The following ANK2 variants were observed in gnomAD, a reference collection of about 807,000 sequenced individuals.
ANK2 encodes the protein ankyrin-2.
In ANK2, 83 loss-of-function variants were observed where a neutral mutation model predicts 360.5. That is an observed-to-expected ratio of 0.23 (90% CI 0.19 to 0.28). The LOEUF is 0.28. ANK2 is among the 10% of genes least tolerant of loss of function. ANK2 has a pLI of 1.00. For synonymous variants in ANK2, 1,740 were observed against 1,759.5 expected (o/e 0.99, Z 0.28); for missense variants, 4,201 against 4,795.7 (o/e 0.88, Z 3.66).
chr4:113,093,186 G>A lies in ANK2; in HGVS notation c.84+43374G>A, dbSNP rs556916406. Among the ~76,000 whole-genome samples the A allele has an allele frequency of 3.9e-5, 6 of 152,268 alleles. No homozygotes were observed. In the East Asian group the frequency reaches 1.2e-3, roughly 29 times the overall value. On this transcript the variant is annotated intron_variant, in intron 1 of 45. Transcript: ENST00000357077. ...AATCTATGAGAATTTGTGATAGGGT[G>A]TTCAGGTGACTGCTGTTCTGTGACA...
At chr4:112,775,382 G>A in the ANK2 span, among the ~76,000 whole-genome samples, 1 of 152,008 alleles carries the variant, frequency 6.6e-6, no homozygotes, top group Admixed American at 6.6e-5. Context: ...AGCTGGGTGT[G>A]GTGGCACGTG....
chr4:113,044,261 C>T (rs1387395511), intron 2 of ANK2, among the ~76,000 whole-genome samples: 1 of 152,148 alleles, frequency 6.6e-6, no homozygotes, highest in Admixed American at 6.6e-5. Flanking sequence ...GGACTCTGCT[C>T]CACACAGTAA....
At position 113,359,015 on chromosome 4, in the gene ANK2, A is replaced by G; in HGVS notation, c.10397A>G (p.His3466Arg). The change falls in exon 38 of 46, where the codon CAT (histidine) becomes CGT (arginine). Residue 3466 changes from histidine to arginine, a missense_variant. By Grantham distance (29) the His-to-Arg change is conservative. Transcript: ENST00000357077. ...AGCCCCACAAAAGAAAGTAAGGAGC[A>G]TTTCTTTGACCTTTACAGAAATTCC... ...GTSPTKESKE[H>R]FFDLYRNSIE... 1.2e-6 allele frequency: 2 copies of G among 1,614,122 alleles called. No homozygotes were observed. The highest frequency in any genetic ancestry group is 1.7e-6 in the Non-Finnish European group (2 of 1,179,968).
chr4:112,748,759 A>G, the ANK2 span, among the ~76,000 whole-genome samples: 3 of 152,222 alleles, frequency 2.0e-5, no homozygotes, highest in Non-Finnish European at 2.9e-5. Context: ...ATTGGAGGAC[A>G]TTTTGAAACA....
intron 1 of ANK2, among the ~76,000 whole-genome samples, chr4:113,068,876 C>T (rs865886335): frequency 3.3e-5 from 5 of 151,998 alleles, no homozygotes; most frequent in Non-Finnish European, 2.9e-5. Flanking sequence ...GCCTGGGCAA[C>T]ATAGTGAGAC....
At chr4:113,302,978 A>G (rs964301320) in intron 23 of ANK2, 139 bp downstream of exon 23, 1 of 799,164 alleles carries the variant, frequency 1.3e-6, no homozygotes, top group Non-Finnish European at 2.1e-6. Context: ...CTTTGTTTCA[A>G]TACATTTACT....
At chr4:113,002,381 C>T (rs2051073959) in intron 2 of ANK2, among the ~76,000 whole-genome samples, 1 of 152,160 alleles carries the variant, frequency 6.6e-6, no homozygotes, top group South Asian at 2.1e-4. Context: ...ACTATGCAGC[C>T]ATAAAAAATG....
chr4:113,352,043 G>T (rs531776920), intron 37 of ANK2, among the ~76,000 whole-genome samples: 1 of 152,244 alleles, frequency 6.6e-6, no homozygotes, highest in East Asian at 1.9e-4. Flanking sequence ...TGGACTCATA[G>T]GGAAATAAGT....
At chr4:113,272,949 A>G (rs777771092) in intron 14 of ANK2, among the ~76,000 whole-genome samples, 2 of 152,120 alleles carry the variant, frequency 1.3e-5, no homozygotes, top group Non-Finnish European at 2.9e-5. Context: ...ATTTATTTTT[A>G]TAAATAAAAA....
chr4:112,998,912 G>T (rs1172618131), intron 2 of ANK2, among the ~76,000 whole-genome samples: 1 of 152,016 alleles, frequency 6.6e-6, no homozygotes, highest in Non-Finnish European at 1.5e-5. Flanking sequence ...ACTTCCTTTT[G>T]TATATGTTTT....
intron 1 of ANK2, among the ~76,000 whole-genome samples, chr4:112,856,516 T>C (rs943703585): frequency 2.0e-5 from 3 of 152,124 alleles, no homozygotes; most frequent in Admixed American, 6.5e-5. Context: ...ACACTTGAGG[T>C]CAGGGGTTCG....
intron 4 of ANK2, among the ~76,000 whole-genome samples, chr4:113,220,652 G>A (rs989463679): frequency 2.0e-5 from 3 of 151,996 alleles, no homozygotes; most frequent in African/African-American, 7.3e-5. Flanking sequence ...GTTCATTTTT[G>A]CAAAGTGAAA....
At chr4:112,784,007 A>G in the ANK2 span, among the ~76,000 whole-genome samples, 20 of 152,260 alleles carry the variant, frequency 1.3e-4, no homozygotes, top group South Asian at 2.7e-3. Flanking sequence ...ATACTATACA[A>G]TAGTGAAAAT....
chr4:113,150,020 G>T (rs2096994503), intron 1 of ANK2, among the ~76,000 whole-genome samples: 1 of 151,854 alleles, frequency 6.6e-6, no homozygotes, highest in South Asian at 2.1e-4. Flanking sequence ...AGAATTCACT[G>T]GCTGCACGAG....
intron 13 of ANK2, among the ~76,000 whole-genome samples, chr4:113,262,159 T>A (rs1241736690): frequency 6.6e-6 from 1 of 152,234 alleles, no homozygotes; most frequent in African/African-American, 2.4e-5. Flanking sequence ...TTATCATCAT[T>A]TCTACCAAAA....
chr4:113,261,265 A>G (rs1277274987), intron 13 of ANK2, among the ~76,000 whole-genome samples: 1 of 152,148 alleles, frequency 6.6e-6, no homozygotes, highest in East Asian at 1.9e-4. Flanking sequence ...ACTGCCAATT[A>G]CAACACATCC....
intron 1 of ANK2, among the ~76,000 whole-genome samples, chr4:112,876,905 A>G (rs1161191457): frequency 2.0e-5 from 3 of 152,180 alleles, no homozygotes; most frequent in Non-Finnish European, 4.4e-5. Context: ...TTGCACTGAT[A>G]GATAAAAAGT....
chr4:113,277,996 TAA>T, intron 16 of ANK2, 61 bp downstream of exon 16: 1 of 1,469,722 alleles, frequency 6.8e-7, no homozygotes, highest in South Asian at 1.2e-5. Flanking sequence ...AGGAGATCTG[TAA>T]AGACATTTTT....
Position 113,174,508 on chromosome 4 carries a change from C to A in ANK2, c.177C>A (p.Thr59=). The A allele has an allele frequency of 6.2e-7, 1 of 1,610,180 alleles. No homozygotes were observed. Among genetic ancestry groups the A allele is most frequent in the South Asian group, 1.1e-5 (1 of 90,518 alleles). ...EYLKGGIDIN[T]CNQNGLNALH... is the part of the protein sequence containing the mutation. Reference sequence around the variant, plus strand: ...TGAAGGGGGGCATAGACATCAATACCTGCAATCAGGTAAGAACATGGCAGC... The same window carrying A: ...TGAAGGGGGGCATAGACATCAATACATGCAATCAGGTAAGAACATGGCAGC... Residue 59 remains threonine (T), a synonymous_variant, in exon 2 of 46, where the codon ACC becomes ACA. Transcript: ENST00000357077.
Sources: gnomAD v4.1 joint callset for allele counts (sites outside exome capture counted in the v4.1 genomes callset) on GRCh38, gnomAD v4.1.1 for gene constraint, MANE v1.5 for transcripts, NCBI Gene and HGNC (gene_info 2026-07-23, HGNC 2026-07-21) for gene names.